STIM2: variants seen among roughly 807,000 people sequenced by gnomAD.
The protein encoded by STIM2 is stromal interaction molecule 2.
Under a neutral mutation model 85.8 loss-of-function variants are expected in STIM2, and 31 were observed. That is an observed-to-expected ratio of 0.36 (90% CI 0.27 to 0.49). STIM2 has a LOEUF of 0.49. STIM2 is among the 20% of genes least tolerant of loss of function. The pLI is 0.98. For synonymous variants in STIM2, 356 were observed against 331.1 expected, an observed-to-expected ratio of 1.08 and a Z score of -0.82; for missense variants, 841 against 927.6, an observed-to-expected ratio of 0.91 and a Z score of 1.21.
intron 1 of STIM2, among the ~76,000 whole-genome samples, chr4:26,871,142 G>A (rs1722596555): frequency 6.6e-6 from 1 of 152,180 alleles, no homozygotes; most frequent in Non-Finnish European, 1.5e-5. Flanking sequence ...ATATTTGCAT[G>A]TGGGATTTAA....
intron 11 of STIM2, chr4:27,021,525 C>T (rs1728911849): frequency 2.2e-6 from 1 of 456,736 alleles, no homozygotes; most frequent in Non-Finnish European, 4.4e-6. Flanking sequence ...TGGAGACAGC[C>T]AGGGACCACA....
chr4:26,888,068 A>G (rs2109042448), intron 1 of STIM2, among the ~76,000 whole-genome samples: 1 of 152,360 alleles, frequency 6.6e-6, no homozygotes, highest in East Asian at 1.9e-4. Flanking sequence ...TCCTTTGCTT[A>G]AAGTCAACTG....
intron 1 of STIM2, among the ~76,000 whole-genome samples, chr4:26,896,723 C>T (rs1380555074): frequency 1.3e-5 from 2 of 152,112 alleles, no homozygotes; most frequent in Non-Finnish European, 2.9e-5. Flanking sequence ...ATTAAGTAAA[C>T]TACAGACTTC....
chr4:26,929,546 A>AT (rs1224253507), intron 2 of STIM2, among the ~76,000 whole-genome samples: 1 of 151,922 alleles, frequency 6.6e-6, no homozygotes, highest in Non-Finnish European at 1.5e-5. Flanking sequence ...ATTTCTTGTG[A>AT]TTTTTGTTTT....
chr4:26,964,997 G>A (rs1022892336), intron 3 of STIM2, among the ~76,000 whole-genome samples: 1 of 152,160 alleles, frequency 6.6e-6, no homozygotes, highest in African/African-American at 2.4e-5. Context: ...TTAATGTAGA[G>A]CATTGAAAAA....
chr4:26,973,225 T>C (rs1445109427), intron 3 of STIM2, among the ~76,000 whole-genome samples: 1 of 152,204 alleles, frequency 6.6e-6, no homozygotes, highest in African/African-American at 2.4e-5. Flanking sequence ...AAGGGTTTTT[T>C]GTGTCTATCT....
At chr4:26,937,041 A>G (rs992619564) in intron 2 of STIM2, among the ~76,000 whole-genome samples, 3 of 151,150 alleles carry the variant, frequency 2.0e-5, no homozygotes, top group South Asian at 2.1e-4. Flanking sequence ...ACCTGCCTCA[A>G]CCTCTCAAAG....
intron 11 of STIM2, chr4:27,021,503 G>A (rs772451162): frequency 2.2e-6 from 1 of 456,792 alleles, no homozygotes; most frequent in South Asian, 1.5e-5. Flanking sequence ...GGAACACAAG[G>A]GAGTGTGCAG....
intron 10 of STIM2, among the ~76,000 whole-genome samples, chr4:27,011,206 C>T (rs997685382): frequency 5.3e-5 from 8 of 152,090 alleles, no homozygotes; most frequent in African/African-American, 1.7e-4. Flanking sequence ...ACAATGGTTG[C>T]GTGTTTAGAA....
At chr4:26,949,048 T>G (rs182754947) in intron 2 of STIM2, among the ~76,000 whole-genome samples, 147 of 152,348 alleles carry the variant, frequency 9.6e-4, no homozygotes, top group African/African-American at 2.8e-3. Context: ...TATTTTTTCT[T>G]CAGTCTTAAT....
At chr4:27,002,811 C>G (rs2109132038) in intron 6 of STIM2, 116 bp from the exon 7 acceptor site, 1 of 977,166 alleles carries the variant, frequency 1.0e-6, no homozygotes, top group East Asian at 3.2e-5. Context: ...ATGAAAAATG[C>G]TATGATTTCT....
In STIM2 at chr4:27,022,715, G is replaced by A. The variant is rs1410686511; in HGVS notation, c.1960G>A (p.Val654Ile). 3 of 1,614,242 alleles carry A rather than the reference G, an allele frequency of 1.9e-6. No homozygotes were observed. Among genetic ancestry groups the A allele is most frequent in the Non-Finnish European group, 2.5e-6 (3 of 1,180,046 alleles). Residue 654 changes from valine to isoleucine, a missense_variant, in exon 12 of 12, where the codon GTA becomes ATA. Physicochemically the swap from Val to Ile is conservative, Grantham distance 29. Transcript: ENST00000467087. The stretch of plus-strand genomic sequence containing the variant: ...TGTGTCTTGGGGTTCTCCCGACTGT[G>A]TAGGTCTGACAGAAACTAAGAGTAT...
intron 1 of STIM2, among the ~76,000 whole-genome samples, chr4:26,886,105 C>T (rs769787031): frequency 3.3e-5 from 5 of 151,650 alleles, no homozygotes; most frequent in East Asian, 3.9e-4. Flanking sequence ...AGAACTGTGA[C>T]GGGCAGAACA....
chr4:27,004,621 A>T (rs1240484072), intron 7 of STIM2, among the ~76,000 whole-genome samples: 1 of 152,128 alleles, frequency 6.6e-6, no homozygotes, highest in African/African-American at 2.4e-5. Context: ...GAGACAATAT[A>T]AAAAAAGGGC....
At chr4:26,914,074 A>G (rs1009570389) in intron 1 of STIM2, among the ~76,000 whole-genome samples, 34 of 152,252 alleles carry the variant, frequency 2.2e-4, no homozygotes, top group African/African-American at 7.2e-4. Flanking sequence ...AGCTTTGCCA[A>G]TGGAGGAAAC....
At chr4:26,881,002 G>T (rs1348794013) in intron 1 of STIM2, among the ~76,000 whole-genome samples, 2 of 152,010 alleles carry the variant, frequency 1.3e-5, no homozygotes, top group Non-Finnish European at 2.9e-5. Flanking sequence ...TGTATATGTA[G>T]TATTATTTTA....
chr4:26,978,299 A>G (rs1727271862), intron 3 of STIM2, among the ~76,000 whole-genome samples: 2 of 148,236 alleles, frequency 1.3e-5, no homozygotes, highest in African/African-American at 4.9e-5. Context: ...ATATGAAAAT[A>G]TAAATCTATA....
At chr4:26,952,923 T>C (rs1726110911) in intron 2 of STIM2, among the ~76,000 whole-genome samples, 1 of 152,152 alleles carries the variant, frequency 6.6e-6, no homozygotes, top group African/African-American at 2.4e-5. Context: ...TTTTTTCATC[T>C]TTAAAAGTGG....
At chr4:26,951,081 C>G (rs919056524) in intron 2 of STIM2, among the ~76,000 whole-genome samples, 3 of 151,690 alleles carry the variant, frequency 2.0e-5, no homozygotes, top group Non-Finnish European at 4.4e-5. Context: ...TACATTTTGC[C>G]CTGATGGTGT....
Sources: gnomAD v4.1 joint callset for allele counts (sites outside exome capture counted in the v4.1 genomes callset) on GRCh38, gnomAD v4.1.1 for gene constraint, MANE v1.5 for transcripts, NCBI Gene and HGNC (gene_info 2026-07-23, HGNC 2026-07-21) for gene names.